The following CD163L1 variants were observed in gnomAD, a reference collection of about 807,000 sequenced individuals.
The protein encoded by CD163L1 is CD163 molecule like 1.
Under a neutral mutation model 165.4 loss-of-function variants are expected in CD163L1, and 124 were observed. The observed-to-expected ratio is 0.75, with a 90% CI of 0.65 to 0.87. CD163L1 has a LOEUF of 0.87. CD163L1 is among the 40% of genes least tolerant of loss of function. The probability of loss-of-function intolerance (pLI) is 0.00; values close to 1 mark genes in which losing one functional copy is unlikely to be tolerated. For synonymous variants in CD163L1, 585 were observed against 662.2 expected, an observed-to-expected ratio of 0.88 and a Z score of 1.79; for missense variants, 1,525 against 1,799.9, an observed-to-expected ratio of 0.85 and a Z score of 2.76.
chr12:7,443,234 G>A (rs1948852381), intron 1 of CD163L1, among the ~76,000 whole-genome samples: 2 of 152,122 alleles, frequency 1.3e-5, no homozygotes, highest in South Asian at 4.1e-4. Context: ...TTAGTCATAA[G>A]CAAAACAGTT....
chr12:7,436,814 T>C (rs1948721001), intron 2 of CD163L1, among the ~76,000 whole-genome samples: 1 of 152,100 alleles, frequency 6.6e-6, no homozygotes, highest in African/African-American at 2.4e-5. Context: ...GTCAGATCTA[T>C]GAAATGTAAT....
At chr12:7,412,311 T>A (rs1048560608) in intron 4 of CD163L1, among the ~76,000 whole-genome samples, 1 of 152,146 alleles carries the variant, frequency 6.6e-6, no homozygotes, top group Non-Finnish European at 1.5e-5. Context: ...TAGAGTAAAA[T>A]AGACTCCCAG....
chr12:7,360,812 T>C (rs750055407), intron 18 of CD163L1, among the ~76,000 whole-genome samples: 3 of 152,196 alleles, frequency 2.0e-5, no homozygotes, highest in African/African-American at 4.8e-5. Context: ...GTCTATTCCA[T>C]GAGAATTGAT....
the CD163L1 span, among the ~76,000 whole-genome samples, chr12:7,326,641 A>G: frequency 6.6e-6 from 1 of 152,216 alleles, no homozygotes; most frequent in Non-Finnish European, 1.5e-5. Flanking sequence ...GTATAGGTTT[A>G]ATGGAGTAAG....
intron 8 of CD163L1, among the ~76,000 whole-genome samples, chr12:7,387,505 T>C (rs1565787981): frequency 6.6e-6 from 1 of 152,202 alleles, no homozygotes; most frequent in Non-Finnish European, 1.5e-5. Context: ...TGCCTCCTGG[T>C]GGTGGATTGC....
intron 8 of CD163L1, among the ~76,000 whole-genome samples, chr12:7,391,201 AC>A (rs1260662193): frequency 6.6e-6 from 1 of 152,118 alleles, no homozygotes; most frequent in Non-Finnish European, 1.5e-5. Context: ...CCACACCAAA[AC>A]CTCATCTGTA....
At chr12:7,353,099 C>T (rs1946718537), downstream of CD163L1, among the ~76,000 whole-genome samples, 2 of 151,742 alleles carry the variant, frequency 1.3e-5, no homozygotes, top group Non-Finnish European at 2.9e-5. Flanking sequence ...ACGACAATGG[C>T]TTAACAAAGA....
At chr12:7,405,689 G>A (rs1948001811) in intron 5 of CD163L1, among the ~76,000 whole-genome samples, 1 of 152,082 alleles carries the variant, frequency 6.6e-6, no homozygotes. Context: ...AATTCTATAG[G>A]AAATAAGATT....
chr12:7,395,981 C>T, intron 8 of CD163L1, 114 bp downstream of exon 8: 1 of 747,914 alleles, frequency 1.3e-6, no homozygotes, highest in Non-Finnish European at 2.2e-6. Context: ...ATGGTTAGCT[C>T]TAAAAAAGTG....
intron 18 of CD163L1, among the ~76,000 whole-genome samples, chr12:7,363,686 A>G (rs1477082223): frequency 6.6e-6 from 1 of 151,680 alleles, no homozygotes; most frequent in Non-Finnish European, 1.5e-5. Context: ...AGAAACTGAT[A>G]TATTTCTAGT....
In CD163L1 at chr12:7,347,006, CA is replaced by C. The variant is rs1357217216; in HGVS notation, c.*165del. Reference sequence around the variant, plus strand: ...ATGCGGCTCAGTGGCCTATTCAGTGCAAAGGGATGCTCTCTGCTTACCTGCA... The same window carrying C: ...ATGCGGCTCAGTGGCCTATTCAGTGCAAGGGATGCTCTCTGCTTACCTGCA... On this transcript the variant is annotated 3_prime_UTR_variant, in exon 5 of 5. Transcript: ENST00000539726. The surrounding 1 kb of genome is among the most constrained non-coding windows in gnomAD (Gnocchi z 4.2). The C allele has an allele frequency of 6.6e-6, 1 of 152,186 alleles. No individual in the cohort carries two copies. The highest frequency in any genetic ancestry group is 1.9e-4 in the East Asian group (1 of 5,192). 9.4% of individuals were successfully genotyped at this position (152,186 alleles called of 1,614,324 possible).
intron 4 of CD163L1, among the ~76,000 whole-genome samples, chr12:7,420,044 A>G (rs934602307): frequency 5.3e-5 from 8 of 152,276 alleles, no homozygotes; most frequent in East Asian, 3.9e-4. Context: ...GTACCCAGAA[A>G]TAAAGCCAAA....
At chr12:7,410,591 G>A (rs1249013345) in intron 4 of CD163L1, among the ~76,000 whole-genome samples, 3 of 146,088 alleles carry the variant, frequency 2.1e-5, no homozygotes, top group Non-Finnish European at 4.5e-5. Flanking sequence ...GTGACAGAGC[G>A]AGAGTCCATA....
intron 19 of CD163L1, among the ~76,000 whole-genome samples, chr12:7,356,683 G>A (rs1946780322): frequency 6.6e-6 from 1 of 152,074 alleles, no homozygotes; most frequent in Non-Finnish European, 1.5e-5. Context: ...ACTTCATTGA[G>A]TTCAATTTTT....
chr12:7,440,377 C>G (rs145703880), intron 2 of CD163L1, among the ~76,000 whole-genome samples: 2,645 of 151,742 alleles, frequency 0.017, 68 homozygotes, highest in African/African-American at 0.061. Context: ...GCACGGGAAG[C>G]GGAAGTGGGT....
chr12:7,368,125 C>A lies in CD163L1; in HGVS notation c.4145G>T (p.Trp1382Leu). Residue 1382 changes from tryptophan (W) to leucine (L), a missense_variant, in exon 17 of 20, where the codon TGG becomes TTG. Physicochemically the swap from Trp to Leu is moderately conservative, Grantham distance 61 (BLOSUM62 -2). Coordinates refer to ENST00000313599, the MANE Select transcript of CD163L1 (RefSeq NM_174941.6). The surrounding 1 kb of genome is among the most constrained non-coding windows in gnomAD (Gnocchi z 4.3). ...LLVLFILFLTWCRVQKQKHLP... is the reference protein window; with the variant it reads ...LLVLFILFLTLCRVQKQKHLP... Reference sequence around the variant, plus strand: ...ATGTTTTTGTTTCTGAACTCGGCACCACGTGAGAAATAGAATAAACAGAAC... The same window carrying A: ...ATGTTTTTGTTTCTGAACTCGGCACAACGTGAGAAATAGAATAAACAGAAC... The A allele has an allele frequency of 6.2e-7, 1 of 1,612,386 alleles. No individual in the cohort carries two copies. Among genetic ancestry groups the A allele is most frequent in the East Asian group, 2.2e-5 (1 of 44,866 alleles).
At chr12:7,379,353 G>T (rs1407263473) in intron 8 of CD163L1, 55 bp from the exon 9 acceptor site, 4 of 1,556,950 alleles carry the variant, frequency 2.6e-6, no homozygotes, top group Non-Finnish European at 3.5e-6. Context: ...AGACATTAAA[G>T]ATTCTTATCC....
rs781548724 is a variant in CD163L1 at position 7,374,513 on chromosome 12, C to T, written c.3338G>A (p.Trp1113Ter). 6 of 1,614,080 alleles carry T rather than the reference C, an allele frequency of 3.7e-6. No homozygotes were observed. Among genetic ancestry groups the T allele is most frequent in the African/African-American group, 2.7e-5 (2 of 74,934 alleles). Residue 1113 changes from tryptophan (W) to a stop codon, truncating the protein, a stop_gained, in exon 13 of 20, where the codon TGG becomes TAG. Transcript: ENST00000313599. LOFTEE classifies it high-confidence loss of function. This position sits in a 1 kb window ranked among gnomAD's most constrained non-coding sequence, Gnocchi z 5.4. ...LNCTGMESHL[W>*]QCPSRGWGQH... is the part of the protein sequence containing the mutation. ...CCCCCAGCCGCGGGAAGGGCACTGC[C>T]ACAAGTGGGACTCCATTCCTGTGCA... is the stretch of plus-strand genomic sequence containing the variant.
chr12:7,406,923 A>G (rs1473510051), intron 4 of CD163L1, 71 bp from the exon 5 acceptor site: 17 of 1,353,086 alleles, frequency 1.3e-5, no homozygotes, highest in Non-Finnish European at 1.0e-6. Flanking sequence ...AGATCCTGCT[A>G]TCCAAATAAA....
Sources: gnomAD v4.1 joint callset for allele counts (sites outside exome capture counted in the v4.1 genomes callset) on GRCh38, gnomAD v4.1.1 for gene constraint, Gnocchi (gnomAD v3.1) non-coding constraint, MANE v1.5 for transcripts, NCBI Gene and HGNC (gene_info 2026-07-23, HGNC 2026-07-21) for gene names.